SCHIP1: variants seen among roughly 807,000 people sequenced by gnomAD.
The protein encoded by SCHIP1 is schwannomin interacting protein 1.
In SCHIP1, 8 loss-of-function variants were observed where a neutral mutation model predicts 29.7. The ratio of observed to expected loss-of-function variants is 0.27; its 90% confidence interval spans 0.16 to 0.49. The LOEUF is 0.49. Ranked by LOEUF, SCHIP1 falls within the 20% of genes least tolerant of loss-of-function variation. The pLI, the probability that SCHIP1 is intolerant of heterozygous loss-of-function variation, is 0.99. For synonymous variants in SCHIP1, 76 were observed against 94.9 expected, an observed-to-expected ratio of 0.80 and a Z score of 1.16; for missense variants, 193 against 294.6, an observed-to-expected ratio of 0.66 and a Z score of 2.52.
the SCHIP1 span, among the ~76,000 whole-genome samples, chr3:159,789,900 G>A: frequency 2.0e-5 from 3 of 152,190 alleles, no homozygotes; most frequent in Non-Finnish European, 4.4e-5. Context: ...GTCAGCCTGG[G>A]AGGGGCAGTC....
the SCHIP1 span, among the ~76,000 whole-genome samples, chr3:159,302,222 A>G: frequency 2.0e-5 from 3 of 152,144 alleles, no homozygotes. Context: ...AGTTGCTTCA[A>G]CCCTATGTTC....
the SCHIP1 span, among the ~76,000 whole-genome samples, chr3:159,777,318 C>G: frequency 6.6e-6 from 1 of 152,108 alleles, no homozygotes; most frequent in African/African-American, 2.4e-5. Context: ...GCCAAGAGGT[C>G]TGGTGAGATT....
the SCHIP1 span, among the ~76,000 whole-genome samples, chr3:159,500,918 T>C: frequency 6.6e-6 from 1 of 152,200 alleles, no homozygotes; most frequent in Non-Finnish European, 1.5e-5. Context: ...GCTACTCTAC[T>C]TATGGAGTTT....
At chr3:159,665,689 T>C in the SCHIP1 span, among the ~76,000 whole-genome samples, 1 of 152,056 alleles carries the variant, frequency 6.6e-6, no homozygotes, top group Non-Finnish European at 1.5e-5. Context: ...AGCCCACACA[T>C]GCAAGCACCC....
At chr3:159,568,156 G>A in the SCHIP1 span, among the ~76,000 whole-genome samples, 2 of 152,022 alleles carry the variant, frequency 1.3e-5, no homozygotes, top group East Asian at 3.8e-4. Context: ...CTAATAGCCA[G>A]TAAGCTTGCT....
the SCHIP1 span, among the ~76,000 whole-genome samples, chr3:159,793,366 A>G: frequency 1.3e-5 from 2 of 152,026 alleles, no homozygotes; most frequent in Non-Finnish European, 2.9e-5. Context: ...TTTCTCTTAT[A>G]TTGTGTCTGT....
chr3:159,586,100 T>A, the SCHIP1 span, among the ~76,000 whole-genome samples: 1 of 151,972 alleles, frequency 6.6e-6, no homozygotes. Flanking sequence ...TCAACTTAAA[T>A]CTGCTAGATA....
the SCHIP1 span, among the ~76,000 whole-genome samples, chr3:159,814,079 A>T: frequency 0.014 from 2,155 of 152,306 alleles, 20 homozygotes; most frequent in Non-Finnish European, 0.022. Context: ...TAATGTTGGC[A>T]GCTGACAGTG....
chr3:159,778,180 A>T, the SCHIP1 span, among the ~76,000 whole-genome samples: 1 of 151,270 alleles, frequency 6.6e-6, no homozygotes, highest in Non-Finnish European at 1.5e-5. Flanking sequence ...TTTTTAGTAG[A>T]GACGGGGTTT....
chr3:159,292,673 A>G, the SCHIP1 span, among the ~76,000 whole-genome samples: 6 of 152,214 alleles, frequency 3.9e-5, no homozygotes, highest in Admixed American at 2.0e-4. Flanking sequence ...GCTTGCAGCA[A>G]TGACTGGAAT....
the SCHIP1 span, among the ~76,000 whole-genome samples, chr3:159,468,595 T>C: frequency 1.3e-5 from 2 of 151,224 alleles, no homozygotes; most frequent in African/African-American, 4.9e-5. Context: ...AATGTCAATA[T>C]TCTAAAGAAA....
chr3:159,771,859 A>G, the SCHIP1 span, among the ~76,000 whole-genome samples: 1 of 152,226 alleles, frequency 6.6e-6, no homozygotes, highest in Non-Finnish European at 1.5e-5. Context: ...TAGTTTGATT[A>G]AAATAAATCT....
At chr3:159,712,714 AGGAAGGGAAG>A in the SCHIP1 span, among the ~76,000 whole-genome samples, 1 of 151,638 alleles carries the variant, frequency 6.6e-6, no homozygotes, top group Non-Finnish European at 1.5e-5. Context: ...AGGAAAGGAA[AGGAAGGGAAG>A]GGAAGAGAAG....
intron 1 of SCHIP1, among the ~76,000 whole-genome samples, chr3:159,854,701 C>T (rs1453520175): frequency 1.3e-5 from 2 of 152,314 alleles, no homozygotes; most frequent in Non-Finnish European, 1.5e-5. Flanking sequence ...ACAAGTGTAG[C>T]CATCTCATAC....
the SCHIP1 span, among the ~76,000 whole-genome samples, chr3:159,506,395 G>A: frequency 3.9e-5 from 6 of 152,082 alleles, no homozygotes; most frequent in African/African-American, 1.2e-4. Context: ...GATTGCAAAA[G>A]TTTTCTCCCA....
At chr3:159,498,240 A>T in the SCHIP1 span, among the ~76,000 whole-genome samples, 1 of 152,170 alleles carries the variant, frequency 6.6e-6, no homozygotes, top group African/African-American at 2.4e-5. Flanking sequence ...TGTTTATATA[A>T]TTACTTCAGA....
At chr3:159,422,559 TC>T in the SCHIP1 span, among the ~76,000 whole-genome samples, 1 of 152,112 alleles carries the variant, frequency 6.6e-6, no homozygotes, top group Non-Finnish European at 1.5e-5. Context: ...AACACCCAGA[TC>T]AAGAAACAGA....
chr3:159,824,065 C>T, the SCHIP1 span, among the ~76,000 whole-genome samples: 1 of 152,186 alleles, frequency 6.6e-6, no homozygotes, highest in Non-Finnish European at 1.5e-5. Flanking sequence ...TTGAGTACAT[C>T]TAAACCCCTA....
At chr3:159,294,923 G>A in the SCHIP1 span, among the ~76,000 whole-genome samples, 83 of 152,176 alleles carry the variant, frequency 5.5e-4, 2 homozygotes, top group Middle Eastern at 3.4e-3. Context: ...GCATCTTAGA[G>A]TGGATCAGAA....
Sources: gnomAD v4.1 joint callset for allele counts (sites outside exome capture counted in the v4.1 genomes callset) on GRCh38, gnomAD v4.1.1 for gene constraint, MANE v1.5 for transcripts, NCBI Gene and HGNC (gene_info 2026-07-23, HGNC 2026-07-21) for gene names.